CSMD1: variants seen among roughly 807,000 people sequenced by gnomAD.
CSMD1 encodes the protein CUB and sushi domain-containing protein 1.
A neutral mutation model predicts 417.5 loss-of-function variants in CSMD1; 213 were observed. The observed-to-expected ratio is 0.51, with a 90% confidence interval of 0.46 to 0.57. The LOEUF is 0.57. Ranked by LOEUF, CSMD1 falls within the 20% of genes least tolerant of loss-of-function variation. CSMD1 has a pLI of 0.00. For synonymous variants in CSMD1, 2,862 were observed against 1,736.8 expected (o/e 1.65, Z -16.11); for missense variants, 6,923 against 4,529.7 (o/e 1.53, Z -15.17).
At chr8:4,052,121 C>T (rs1206550092) in intron 3 of CSMD1, among the ~76,000 whole-genome samples, 1 of 151,954 alleles carries the variant, frequency 6.6e-6, no homozygotes, top group Admixed American at 6.6e-5. Context: ...GACAGGGTTT[C>T]ACCATGTTGG....
At chr8:4,158,107 T>A (rs1172878794) in intron 3 of CSMD1, among the ~76,000 whole-genome samples, 2 of 151,490 alleles carry the variant, frequency 1.3e-5, no homozygotes, top group Non-Finnish European at 2.9e-5. Context: ...TTTTTTTCTG[T>A]TTGAGCTTAA....
chr8:4,713,044 G>A (rs1263781619), intron 1 of CSMD1, among the ~76,000 whole-genome samples: 2 of 152,180 alleles, frequency 1.3e-5, no homozygotes, highest in African/African-American at 4.8e-5. Context: ...TAGGGATACT[G>A]GGAAAGGTCT....
intron 1 of CSMD1, among the ~76,000 whole-genome samples, chr8:4,685,005 A>G (rs767910418): frequency 2.6e-5 from 4 of 152,192 alleles, no homozygotes; most frequent in Non-Finnish European, 5.9e-5. Flanking sequence ...CTAACATAGA[A>G]CAACGGGACT....
intron 4 of CSMD1, among the ~76,000 whole-genome samples, chr8:4,016,496 C>T (rs1458798434): frequency 2.6e-5 from 4 of 152,136 alleles, no homozygotes; most frequent in African/African-American, 9.6e-5. Context: ...TCCTGGAGGA[C>T]AAGGAGGTCC....
intron 7 of CSMD1, among the ~76,000 whole-genome samples, chr8:3,650,142 G>A (rs1241552149): frequency 6.6e-6 from 1 of 152,098 alleles, no homozygotes; most frequent in East Asian, 1.9e-4. Context: ...AGCCAGGCAT[G>A]GTGGTGGGTG....
intron 12 of CSMD1, among the ~76,000 whole-genome samples, chr8:3,441,291 A>T (rs1173512015): frequency 1.3e-5 from 2 of 152,048 alleles, no homozygotes; most frequent in Non-Finnish European, 2.9e-5. Flanking sequence ...GTTTTCAAAC[A>T]GTACATTTGT....
intron 5 of CSMD1, among the ~76,000 whole-genome samples, chr8:3,885,314 T>C (rs1348476836): frequency 4.6e-5 from 7 of 152,258 alleles, no homozygotes; most frequent in Admixed American, 3.3e-4. Flanking sequence ...CAGGGGTTTG[T>C]CAGTATTTAT....
At chr8:4,147,223 C>T (rs1013283666) in intron 3 of CSMD1, among the ~76,000 whole-genome samples, 1 of 152,148 alleles carries the variant, frequency 6.6e-6, no homozygotes, top group African/African-American at 2.4e-5. Flanking sequence ...AGAAAGCACG[C>T]ATGATTTGAC....
At chr8:3,684,321 G>C (rs938263856) in intron 7 of CSMD1, among the ~76,000 whole-genome samples, 2 of 139,048 alleles carry the variant, frequency 1.4e-5, no homozygotes, top group Non-Finnish European at 3.0e-5. Flanking sequence ...AAAATATATA[G>C]CTATATGTTA....
At chr8:4,668,414 C>CTATTATTAT (rs1563103607) in intron 1 of CSMD1, among the ~76,000 whole-genome samples, 4 of 123,190 alleles carry the variant, frequency 3.2e-5, no homozygotes, top group African/African-American at 1.2e-4. Flanking sequence ...TTGATGTTTT[C>CTATTATTAT]CATTATTATT....
At chr8:3,238,040 AT>A (rs1245077201) in intron 26 of CSMD1, among the ~76,000 whole-genome samples, 2 of 151,916 alleles carry the variant, frequency 1.3e-5, no homozygotes, top group Non-Finnish European at 2.9e-5. Context: ...TGTGTGAGCA[AT>A]AAAGCTGTTT....
At chr8:3,967,495 T>C (rs1585048161) in intron 5 of CSMD1, among the ~76,000 whole-genome samples, 1 of 151,614 alleles carries the variant, frequency 6.6e-6, no homozygotes, top group South Asian at 2.1e-4. Context: ...TTGAAATACA[T>C]GTGTTGCGGA....
intron 5 of CSMD1, among the ~76,000 whole-genome samples, chr8:3,835,443 T>C (rs1802627509): frequency 6.6e-6 from 1 of 151,876 alleles, no homozygotes; most frequent in Non-Finnish European, 1.5e-5. Context: ...GTGGAAACCA[T>C]CATTCTCAGC....
intron 1 of CSMD1, among the ~76,000 whole-genome samples, chr8:4,672,258 G>A (rs1420906101): frequency 1.3e-5 from 2 of 152,120 alleles, no homozygotes; most frequent in East Asian, 1.9e-4. Context: ...ACACATATCA[G>A]GAAGCTTTTG....
At chr8:3,251,876 G>C (rs1423730128) in intron 26 of CSMD1, among the ~76,000 whole-genome samples, 1 of 152,040 alleles carries the variant, frequency 6.6e-6, no homozygotes, top group Non-Finnish European at 1.5e-5. Flanking sequence ...GTCTGTTGTT[G>C]GTGTATAAGA....
At chr8:4,494,022 A>G (rs1801856175) in intron 2 of CSMD1, among the ~76,000 whole-genome samples, 1 of 152,214 alleles carries the variant, frequency 6.6e-6, no homozygotes, top group Non-Finnish European at 1.5e-5. Context: ...AAGACCTCAG[A>G]GGCCCTGGGG....
At chr8:4,581,721 G>A (rs988284763) in intron 2 of CSMD1, among the ~76,000 whole-genome samples, 2 of 152,212 alleles carry the variant, frequency 1.3e-5, no homozygotes, top group African/African-American at 4.8e-5. Flanking sequence ...ACAGCTTCCA[G>A]AGAATTCCCA....
chr8:4,961,465 T>C (rs1317291380), intron 1 of CSMD1, among the ~76,000 whole-genome samples: 2 of 152,164 alleles, frequency 1.3e-5, no homozygotes, highest in East Asian at 1.9e-4. Flanking sequence ...CTCAATACAG[T>C]GAAACATATT....
intron 3 of CSMD1, among the ~76,000 whole-genome samples, chr8:4,051,364 G>A (rs955961253): frequency 1.3e-5 from 2 of 151,538 alleles, no homozygotes; most frequent in Admixed American, 6.6e-5. Flanking sequence ...TTCTTTCACT[G>A]TTGGCATGAT....
Sources: gnomAD v4.1 joint callset for allele counts (sites outside exome capture counted in the v4.1 genomes callset) on GRCh38, gnomAD v4.1.1 for gene constraint, MANE v1.5 for transcripts, NCBI Gene and HGNC (gene_info 2026-07-23, HGNC 2026-07-21) for gene names.